The following RYR1 variants were observed in gnomAD, a reference collection of about 807,000 sequenced individuals.
RYR1 encodes the protein ryanodine receptor 1, also known as central core disease of muscle.
A neutral mutation model predicts 583.5 loss-of-function variants in RYR1; 342 were observed. That is an observed-to-expected ratio of 0.59 (90% CI 0.54 to 0.64). The LOEUF is 0.64. RYR1 is among the 30% of genes least tolerant of loss of function. RYR1 has a pLI of 0.00. For synonymous variants in RYR1, 2,791 were observed against 2,822.5 expected, an observed-to-expected ratio of 0.99 and a Z score of 0.35; for missense variants, 6,032 against 6,917.2, an observed-to-expected ratio of 0.87 and a Z score of 4.54.
At chr19:38,443,450 A>G (rs1972788526) in intron 3 of RYR1, 108 bp from the exon 4 acceptor site, 5 of 965,092 alleles carry the variant, frequency 5.2e-6, no homozygotes, top group East Asian at 5.2e-5. Context: ...AGGCCTGAGC[A>G]TGGTATTTTA....
At chr19:38,473,129 AGT>A (rs1423227104) in intron 27 of RYR1, among the ~76,000 whole-genome samples, 1 of 152,028 alleles carries the variant, frequency 6.6e-6, no homozygotes, top group Non-Finnish European at 1.5e-5. Flanking sequence ...AAGTGATTCC[AGT>A]GTGTGTCCGG....
Position 38,572,107 on chromosome 19 carries a change from G to A in RYR1, c.13835G>A (p.Trp4612Ter), listed in dbSNP as rs746709007. 6.2e-7 allele frequency: 1 copy of A among 1,614,160 alleles called. No homozygotes were observed. Among genetic ancestry groups the A allele is most frequent in the Non-Finnish European group, 8.5e-7 (1 of 1,180,036 alleles). The change falls in exon 95 of 106, where the codon TGG becomes TAG. Residue 4612 changes from tryptophan (W) to a stop codon, truncating the protein, a stop_gained. Transcript: ENST00000359596. LOFTEE classifies it high-confidence loss of function. Reference protein sequence around the residue: ...SGAGSGGSSGWGLGAGEEAEG... With the variant: ...SGAGSGGSSG ...GCAGGCTCTGGTGGCAGCTCTGGCT[G>A]GGGCTTGGGGGCCGGAGAGGAGGCA...
rs781302728 is a variant in RYR1, at chr19:38,513,328, C to T, written c.9472+845C>T. Among the ~76,000 whole-genome samples, 125 of 151,604 alleles carry T rather than the reference C, an allele frequency of 8.2e-4. 1 individual carries two copies. The highest frequency in any genetic ancestry group is 1.6e-3 in the Non-Finnish European group (109 of 67,978). On this transcript the variant is annotated intron_variant, in intron 63 of 105. Transcript: ENST00000359596. Reference sequence around the variant, plus strand: ...CGCCAGCCTGGGCAACAGAGCGAGACTCCATCTCAAAAAGAAAAGAAAAGT... The same window carrying T: ...CGCCAGCCTGGGCAACAGAGCGAGATTCCATCTCAAAAAGAAAAGAAAAGT...
intron 25 of RYR1, 74 bp from the exon 26 acceptor site, chr19:38,468,892 C>A: frequency 6.7e-7 from 1 of 1,498,464 alleles, no homozygotes; most frequent in Non-Finnish European, 9.2e-7. Context: ...ATATATCTCT[C>A]CCTCCCTGCT....
At chr19:38,532,379 T>C in intron 76 of RYR1, 111 bp from the exon 77 acceptor site, 1 of 1,062,406 alleles carries the variant, frequency 9.4e-7, no homozygotes, top group Non-Finnish European at 1.5e-6. Flanking sequence ...TGCCTCAGCC[T>C]CCCAGAGTGT....
At chr19:38,525,277 G>A (rs954856850) in intron 70 of RYR1, 55 bp from the exon 71 acceptor site, 56 of 1,610,570 alleles carry the variant, frequency 3.5e-5, no homozygotes, top group Non-Finnish European at 4.5e-5. Flanking sequence ...CCGCGGGTTG[G>A]GGCTGAGGCA....
chr19:38,529,834 A>C (rs1001641407), intron 76 of RYR1, among the ~76,000 whole-genome samples: 2 of 152,156 alleles, frequency 1.3e-5, no homozygotes, highest in African/African-American at 4.8e-5. Context: ...CATTCATCAA[A>C]TGCTTATTAT....
At chr19:38,476,092 G>A (rs1968708909) in intron 29 of RYR1, among the ~76,000 whole-genome samples, 2 of 151,844 alleles carry the variant, frequency 1.3e-5, no homozygotes, top group Admixed American at 1.3e-4. Context: ...GTGTGATCTT[G>A]GCTCACTGAA....
intron 60 of RYR1, 80 bp from the exon 61 acceptor site, chr19:38,511,481 A>C: frequency 7.0e-7 from 1 of 1,428,842 alleles, no homozygotes; most frequent in Non-Finnish European, 9.8e-7. Flanking sequence ...TGTCTCCTCT[A>C]ATTGGGTCAC....
In RYR1 at chr19:38,473,626, G is replaced by C. The variant is rs969582221; in HGVS notation, c.4015G>C (p.Gly1339Arg). 3.0e-5 allele frequency: 47 copies of C among 1,564,520 alleles called. No homozygotes were observed. Among genetic ancestry groups the C allele is most frequent in the Non-Finnish European group, 3.6e-5 (42 of 1,154,672 alleles). ...CTACGAAAACCTGCGCCGCTCAGCT[G>C]GGGGCTGGAGCGAGGCAGAGAACGG... ...PDYENLRRSA[G>R]GWSEAENGKE... Residue 1339 changes from glycine (G) to arginine (R), a missense_variant, in exon 28 of 106, where the codon GGG (glycine) becomes CGG (arginine). Transcript: ENST00000359596.
In RYR1 at chr19:38,572,002, C is replaced by T. The variant is rs1234739581; in HGVS notation, c.13747-17C>T. On this transcript the variant is annotated splice_polypyrimidine_tract_variant and intron_variant, in intron 94 of 105. Coordinates refer to ENST00000359596, the MANE Select transcript of RYR1 (RefSeq NM_000540.3). ...GCATGTGGCAGACCCACAGATGAAT[C>T]TCTGTCCCCATTTCAGGTCTCAGAC... is the stretch of plus-strand genomic sequence containing the variant. 2 of 1,613,706 alleles carry T rather than the reference C, an allele frequency of 1.2e-6. No homozygotes were observed. The highest frequency in any genetic ancestry group is 1.7e-6 in the Non-Finnish European group (2 of 1,180,034).
Position 38,572,074 on chromosome 19 carries a change from T to C in RYR1, c.13802T>C (p.Val4601Ala), listed in dbSNP as rs1973739369. 1 of 1,613,984 alleles carries C rather than the reference T, an allele frequency of 6.2e-7. No homozygotes were observed. Among genetic ancestry groups the C allele is most frequent in the African/African-American group, 1.3e-5 (1 of 74,910 alleles). Residue 4601 changes from valine (V) to alanine (A), a missense_variant, in exon 95 of 106, where the codon GTG becomes GCG. Coordinates refer to ENST00000359596, the MANE Select transcript of RYR1 (RefSeq NM_000540.3). ...ATGGAAGGCTCAGCTGCTGGGGATGTGTCAGGTGCAGGCTCTGGTGGCAGC... is the reference window on the plus strand; with the variant it reads ...ATGGAAGGCTCAGCTGCTGGGGATGCGTCAGGTGCAGGCTCTGGTGGCAGC... ...DDMEGSAAGDVSGAGSGGSSG... is the reference protein window; with the variant it reads ...DDMEGSAAGDASGAGSGGSSG...
intron 89 of RYR1, among the ~76,000 whole-genome samples, chr19:38,557,266 C>T (rs1410198653): frequency 6.6e-6 from 1 of 152,124 alleles, no homozygotes; most frequent in East Asian, 1.9e-4. Flanking sequence ...AGTATGAGTA[C>T]CTACTGTGTG....
intron 71 of RYR1, 61 bp from the exon 72 acceptor site, chr19:38,526,932 T>C (rs1163014483): frequency 7.0e-6 from 11 of 1,573,134 alleles, no homozygotes; most frequent in Non-Finnish European, 9.6e-6. Context: ...AAGGAAAGGG[T>C]TGTGGGTCAG....
intron 76 of RYR1, among the ~76,000 whole-genome samples, chr19:38,530,988 T>TCTC (rs1491561055): frequency 1.5e-5 from 1 of 68,870 alleles, no homozygotes; most frequent in East Asian, 3.5e-4. Flanking sequence ...TTTCTTTCTC[T>TCTC]TTTTTTTTTT....
chr19:38,452,126 C>CAAAA lies in RYR1; in HGVS notation c.1244+263_1244+266dup, dbSNP rs66571762. 4.3e-3 allele frequency among the ~76,000 whole-genome samples: 294 copies of CAAAA among 68,826 alleles called. 10 individuals are homozygous for CAAAA. Among genetic ancestry groups the CAAAA allele is most frequent in the African/African-American group, 0.014 (240 of 16,750 alleles). The allele number at this position is 68,826 out of a possible 152,430, so 45.2% of individuals were successfully genotyped here. A position where few individuals can be genotyped will look rare whatever the true frequency, so the allele number is the denominator to read the frequency against. ...CAGCATAGGGAGACCCCGCCTCTAC[C>CAAAA]AAAAAAAAAAAAAAAAAAAAAAAAA... On this transcript the variant is annotated intron_variant, in intron 12 of 105. Transcript: ENST00000359596.
At chr19:38,538,051 C>T in intron 84 of RYR1, 91 bp downstream of exon 84, 7 of 1,213,316 alleles carry the variant, frequency 5.8e-6, no homozygotes, top group South Asian at 1.2e-5. Context: ...CCTCCTCCTC[C>T]CCCGGTCAAT....
intron 101 of RYR1, 24 bp from the exon 102 acceptor site, chr19:38,584,919 G>T (rs62120351): frequency 2.5e-6 from 4 of 1,613,354 alleles, no homozygotes; most frequent in African/African-American, 2.7e-5. Flanking sequence ...ATGAATGAGT[G>T]ACCAGTGTGC....
At position 38,466,790 on chromosome 19, in the gene RYR1, T is replaced by C. The variant is rs186411661; in HGVS notation, c.3178+392T>C. Among the ~76,000 whole-genome samples, 432 of 152,178 alleles carry C rather than the reference T, an allele frequency of 2.8e-3. 3 individuals carry two copies. The highest frequency in any genetic ancestry group is 9.8e-3 in the African/African-American group (409 of 41,530). On this transcript the variant is annotated intron_variant, in intron 24 of 105. Coordinates refer to ENST00000359596, the MANE Select transcript of RYR1 (RefSeq NM_000540.3). ...TGCTGGGATTACAGGCGTGAGCCACTGCACCTGGCCCAAATGGGCTATATC... is the reference window on the plus strand; with the variant it reads ...TGCTGGGATTACAGGCGTGAGCCACCGCACCTGGCCCAAATGGGCTATATC...
Sources: allele counts gnomAD v4.1 joint callset (sites outside exome capture counted in the v4.1 genomes callset), GRCh38; gene constraint gnomAD v4.1.1; transcripts MANE v1.5; gene names NCBI Gene and HGNC (gene_info 2026-07-23, HGNC 2026-07-21).